Variants in DGKG observed in about 807,000 individuals in gnomAD.
DGKG encodes the protein DAG kinase gamma.
DGKG carries 78 observed loss-of-function variants against 105.3 expected under a neutral mutation model. That is an observed-to-expected ratio of 0.74 (90% CI 0.62 to 0.89). The LOEUF is 0.89. DGKG is among the 40% of genes least tolerant of loss of function. DGKG has a pLI of 0.00. For synonymous variants in DGKG, 346 were observed against 367.1 expected, an observed-to-expected ratio of 0.94 and a Z score of 0.66; for missense variants, 958 against 1,020.1, an observed-to-expected ratio of 0.94 and a Z score of 0.83.
rs1300810589 is a variant in DGKG at position 186,361,037 on chromosome 3, A to G, written c.-249+909T>C. 6.6e-6 allele frequency among the ~76,000 whole-genome samples: 1 copy of G among 152,222 alleles called. No individual in the cohort carries two copies. The highest frequency in any genetic ancestry group is 2.4e-5 in the African/African-American group (1 of 41,474). Reference sequence around the variant, plus strand: ...GCCACAGATCGCTTCGCGCTGCAGCAGACGCTCCCGCCGCGGGGGGCGACT... The same window carrying G: ...GCCACAGATCGCTTCGCGCTGCAGCGGACGCTCCCGCCGCGGGGGGCGACT... On this transcript the variant is annotated intron_variant, in intron 1 of 24. Coordinates refer to ENST00000265022, the MANE Select transcript of DGKG (RefSeq NM_001346.3). The surrounding 1 kb of genome is among the most constrained non-coding windows in gnomAD (Gnocchi z 6.8).
At chr3:186,336,541 TA>T (rs933394539) in intron 1 of DGKG, among the ~76,000 whole-genome samples, 8 of 151,970 alleles carry the variant, frequency 5.3e-5, no homozygotes, top group African/African-American at 1.7e-4. Flanking sequence ...CTCAAGAAGC[TA>T]AAAAAGGGAC....
intron 1 of DGKG, among the ~76,000 whole-genome samples, chr3:186,351,558 C>T (rs968692314): frequency 5.3e-5 from 8 of 152,258 alleles, no homozygotes; most frequent in South Asian, 2.1e-4. Context: ...AGTGGTGACT[C>T]GTGAGCAGTT....
intron 24 of DGKG, chr3:186,159,022 C>A (rs978951905): frequency 3.7e-5 from 9 of 240,372 alleles, no homozygotes; most frequent in Non-Finnish European, 4.7e-5. Flanking sequence ...TATAACCTTT[C>A]ATTTTAGATG....
chr3:186,249,296 C>T (rs942675145), intron 19 of DGKG, among the ~76,000 whole-genome samples: 2 of 152,108 alleles, frequency 1.3e-5, no homozygotes, highest in African/African-American at 4.8e-5. Flanking sequence ...TCTCAGAACC[C>T]GATCATGGGC....
intron 21 of DGKG, among the ~76,000 whole-genome samples, chr3:186,200,631 C>T (rs1003892483): frequency 1.5e-4 from 23 of 152,234 alleles, no homozygotes; most frequent in South Asian, 8.3e-4. Context: ...GGCTAGTGTG[C>T]GCTGTGCTGA....
chr3:186,261,737 G>C lies in DGKG; in HGVS notation c.1311C>G (p.Val437=), dbSNP rs1721785902. The C allele has an allele frequency of 1.9e-6, 3 of 1,607,362 alleles. No individual in the cohort carries two copies. The highest frequency in any genetic ancestry group is 1.3e-5 in the African/African-American group (1 of 74,778). Reference sequence around the variant, plus strand: ...TCCCTCCACTCTTGGGGTTCACCAAGACCAGCAGGGGGTGGGTACCCGGGG... The same window carrying C: ...TCCCTCCACTCTTGGGGTTCACCAACACCAGCAGGGGGTGGGTACCCGGGG... The part of the protein sequence containing the change: ...IPTPGTHPLL[V]LVNPKSGGRQ... Residue 437 remains valine (V), a synonymous_variant, in exon 15 of 25, where the codon GTC becomes GTG. Transcript: ENST00000265022.
chr3:186,295,899 G>C (rs1723534767), intron 5 of DGKG, among the ~76,000 whole-genome samples: 1 of 152,106 alleles, frequency 6.6e-6, no homozygotes, highest in African/African-American at 2.4e-5. Context: ...TTGAGGTCAG[G>C]AGTTCGAGAC....
chr3:186,226,770 GA>G lies in DGKG; in HGVS notation c.1827-14886del, dbSNP rs1719879545. On this transcript the variant is annotated intron_variant, in intron 20 of 24. Coordinates refer to ENST00000265022, the MANE Select transcript of DGKG (RefSeq NM_001346.3). The surrounding 1 kb of genome is among the most constrained non-coding windows in gnomAD (Gnocchi z 4.2). ...GATTAAAGGGACACTCCATTTAACA[GA>G]ATAGAAAACATCTTGTTACTAGAGA... is the stretch of plus-strand genomic sequence containing the variant. Among the ~76,000 whole-genome samples the G allele has an allele frequency of 6.6e-6, 1 of 152,168 alleles. No homozygotes were observed. The highest frequency in any genetic ancestry group is 1.5e-5 in the Non-Finnish European group (1 of 68,022).
intron 3 of DGKG, 150 bp downstream of exon 3, chr3:186,306,751 G>C (rs1001819392): frequency 1.1e-5 from 7 of 619,342 alleles, no homozygotes; most frequent in African/African-American, 1.1e-4. Context: ...TATAATGCCA[G>C]GTAGCACAAA....
rs543872902 is a variant in DGKG at position 186,310,305 on chromosome 3, A to G, written c.68-3328T>C. On this transcript the variant is annotated intron_variant, in intron 2 of 24. Transcript: ENST00000265022. ...AAAAAAAAAACCACACACACACAAC[A>G]AGAATCCAGGAGGTTTCTAACTAGC... 6.7e-5 allele frequency among the ~76,000 whole-genome samples: 10 copies of G among 148,622 alleles called. No individual in the cohort carries two copies. In the South Asian group the frequency reaches 2.1e-3, roughly 32 times the overall value.
chr3:186,194,803 T>TA lies in DGKG; in HGVS notation c.1918-6425dup, dbSNP rs57878064. Among the ~76,000 whole-genome samples, 582 of 105,404 alleles carry TA rather than the reference T, an allele frequency of 5.5e-3. 16 individuals are homozygous for TA. The highest frequency in any genetic ancestry group is 0.015 in the African/African-American group (416 of 27,928). 69.1% of individuals were successfully genotyped at this position (105,404 alleles called of 152,430 possible). A position where few individuals can be genotyped will look rare whatever the true frequency, so the allele number is the denominator to read the frequency against. ...CCACGACTCTTTCTTGGTCTTTCTT[T>TA]AAAAAAAAAAAAAAAAAAAGCCGGG... On this transcript the variant is annotated intron_variant, in intron 21 of 24. Coordinates refer to ENST00000265022, the MANE Select transcript of DGKG (RefSeq NM_001346.3).
At chr3:186,188,473 C>T (rs1717749955) in intron 21 of DGKG, 94 bp from the exon 22 acceptor site, 2 of 1,250,234 alleles carry the variant, frequency 1.6e-6, no homozygotes. Context: ...TGTGTGTGTA[C>T]TCTCTTAAAG....
chr3:186,172,529 G>A (rs978668940), intron 22 of DGKG, among the ~76,000 whole-genome samples: 1 of 152,244 alleles, frequency 6.6e-6, no homozygotes, highest in Non-Finnish European at 1.5e-5. Flanking sequence ...TGTTTACCTG[G>A]GTTACAGCAG....
chr3:186,183,988 G>A (rs1413760219), intron 22 of DGKG, among the ~76,000 whole-genome samples: 1 of 152,232 alleles, frequency 6.6e-6, no homozygotes, highest in African/African-American at 2.4e-5. Context: ...ACAGGCGTGA[G>A]CCACCATGCC....
At chr3:186,291,903 CA>C (rs1327455480) in intron 5 of DGKG, among the ~76,000 whole-genome samples, 1 of 152,156 alleles carries the variant, frequency 6.6e-6, no homozygotes, top group African/African-American at 2.4e-5. Flanking sequence ...ATTTACAACT[CA>C]ATCCTTGGAT....
In DGKG at chr3:186,208,755, C is replaced by T. The variant is rs1214336389; in HGVS notation, c.1917+3040G>A. On this transcript the variant is annotated intron_variant, in intron 21 of 24. Coordinates refer to ENST00000265022, the MANE Select transcript of DGKG (RefSeq NM_001346.3). ...TGCAAAGCATTTCTCAGCACACCTG[C>T]CCAGCTGCATGAGCTGAGAGGAAAT... Among the ~76,000 whole-genome samples, 3 of 152,192 alleles carry T rather than the reference C, an allele frequency of 2.0e-5. No homozygotes were observed. The South Asian group carries it at 6.2e-4, about 32-fold the overall frequency.
At chr3:186,265,338 T>C in intron 13 of DGKG, 32 bp from the exon 14 acceptor site, 1 of 1,607,974 alleles carries the variant, frequency 6.2e-7, no homozygotes, top group South Asian at 1.1e-5. Flanking sequence ...AAGCATCTTT[T>C]GGAAAAAGAA....
At position 186,148,047 on chromosome 3, in the gene DGKG, T is replaced by C. The variant is rs1017294199; in HGVS notation, c.*2043A>G. ...CACAATCTTAATATTCCCTTCTTTG[T>C]CCAAAGCTCCTGTCCAATGCAAGAT... On this transcript the variant is annotated 3_prime_UTR_variant, in exon 25 of 25. Transcript: ENST00000265022. The C allele has an allele frequency of 2.0e-6, 2 of 985,322 alleles. No homozygotes were observed. Among genetic ancestry groups the C allele is most frequent in the Admixed American group, 1.2e-4 (2 of 16,266 alleles). The allele number at this position is 985,322 out of a possible 1,614,324, so 61.0% of individuals were successfully genotyped here. A position where few individuals can be genotyped will look rare whatever the true frequency, so the allele number is the denominator to read the frequency against.
intron 21 of DGKG, among the ~76,000 whole-genome samples, chr3:186,200,310 C>T (rs1043243173): frequency 3.3e-5 from 5 of 152,106 alleles, no homozygotes; most frequent in African/African-American, 4.8e-5. Context: ...TCATGCACCC[C>T]GTAAACACTT....
Sources: gnomAD v4.1 joint callset for allele counts (sites outside exome capture counted in the v4.1 genomes callset) on GRCh38, gnomAD v4.1.1 for gene constraint, Gnocchi (gnomAD v3.1) non-coding constraint, MANE v1.5 for transcripts, NCBI Gene and HGNC (gene_info 2026-07-23, HGNC 2026-07-21) for gene names.